CDKL4: variants seen among roughly 807,000 people sequenced by gnomAD.
CDKL4 encodes cyclin-dependent kinase-like 4.
Under a neutral mutation model 42.0 loss-of-function variants are expected in CDKL4, and 44 were observed. The ratio of observed to expected loss-of-function variants is 1.05; its 90% confidence interval spans 0.82 to 1.35. The LOEUF (loss-of-function observed/expected upper bound fraction) is 1.35. CDKL4 is among the 40% of genes most tolerant of loss of function. The probability of loss-of-function intolerance (pLI) is 0.00; values close to 1 mark genes in which losing one functional copy is unlikely to be tolerated. For missense variants in CDKL4, 393 were observed against 369.9 expected (o/e 1.06, Z -0.51); for synonymous variants, 120 against 121.6 (o/e 0.99, Z 0.09).
chr2:39,180,652 T>C (rs1485582387), intron 8 of CDKL4, among the ~76,000 whole-genome samples: 2 of 151,584 alleles, frequency 1.3e-5, no homozygotes, highest in African/African-American at 4.9e-5. Context: ...CCTCAAATCC[T>C]AGTACTGTTA....
downstream of CDKL4, among the ~76,000 whole-genome samples, chr2:39,172,333 G>A (rs982204850): frequency 6.6e-6 from 1 of 150,408 alleles, no homozygotes; most frequent in East Asian, 1.9e-4. Flanking sequence ...AAAAAAAAAA[G>A]AAAAAGAAAA....
In CDKL4 at chr2:39,184,722, A is replaced by ATGTGTG. The variant is rs141702509; in HGVS notation, c.736-81_736-76dup. The ATGTGTG allele has an allele frequency of 1.2e-4, 89 of 761,014 alleles. No individual in the cohort carries two copies. The Middle Eastern group carries it at 1.7e-3, about 15-fold the overall frequency. 47.1% of individuals were successfully genotyped at this position (761,014 alleles called of 1,614,324 possible). On this transcript the variant is annotated intron_variant, in intron 7 of 9. Transcript: ENST00000451199. ...TGTGTGTGTATATATGTGCGTATGT[A>ATGTGTG]TGTGTGTGTGTGTGTGTGTGTGTGT...
intron 5 of CDKL4, among the ~76,000 whole-genome samples, chr2:39,203,971 T>C (rs1036987102): frequency 4.6e-5 from 7 of 152,206 alleles, no homozygotes; most frequent in African/African-American, 1.4e-4. Flanking sequence ...TGCTAATACA[T>C]ATATTTGTCT....
chr2:39,225,753 T>C, intron 3 of CDKL4, 86 bp downstream of exon 3: 1 of 1,346,836 alleles, frequency 7.4e-7, no homozygotes, highest in Non-Finnish European at 1.0e-6. Context: ...GAATTGTGGC[T>C]GGGATTTGAA....
intron 4 of CDKL4, among the ~76,000 whole-genome samples, chr2:39,204,820 GTTT>G (rs1446296681): frequency 2.7e-5 from 4 of 149,616 alleles, no homozygotes; most frequent in Non-Finnish European, 5.9e-5. Flanking sequence ...TTAAAATATT[GTTT>G]TATTATTGAA....
At chr2:39,168,611 T>C in the CDKL4 span, among the ~76,000 whole-genome samples, 4 of 151,618 alleles carry the variant, frequency 2.6e-5, no homozygotes, top group African/African-American at 7.3e-5. Flanking sequence ...GGCTCATATC[T>C]GTAATCTCAG....
At chr2:39,195,644 T>A (rs1045278018) in intron 5 of CDKL4, among the ~76,000 whole-genome samples, 27 of 147,260 alleles carry the variant, frequency 1.8e-4, no homozygotes, top group East Asian at 1.9e-4. Context: ...TTAATTAATT[T>A]TTTTTTTTTT....
intron 1 of CDKL4, among the ~76,000 whole-genome samples, chr2:39,239,033 T>G (rs1483466141): frequency 6.6e-6 from 1 of 152,106 alleles, no homozygotes; most frequent in Non-Finnish European, 1.5e-5. Context: ...ATTACAAGAG[T>G]GAGCCACTGC....
At chr2:39,212,960 C>G (rs1677679052) in intron 4 of CDKL4, among the ~76,000 whole-genome samples, 1 of 152,046 alleles carries the variant, frequency 6.6e-6, no homozygotes, top group African/African-American at 2.4e-5. Context: ...CCATACCGGC[C>G]CTGAAAAATT....
intron 5 of CDKL4, among the ~76,000 whole-genome samples, chr2:39,200,097 T>G (rs557950435): frequency 1.6e-4 from 24 of 152,166 alleles, no homozygotes; most frequent in Middle Eastern, 3.4e-3. Context: ...CCCTAAAGAC[T>G]CCTTCAAAAA....
At chr2:39,238,944 G>A (rs1679507739) in intron 1 of CDKL4, among the ~76,000 whole-genome samples, 1 of 152,102 alleles carries the variant, frequency 6.6e-6, no homozygotes, top group East Asian at 1.9e-4. Context: ...TAAAGATGGG[G>A]TTTCACCATG....
intron 8 of CDKL4, among the ~76,000 whole-genome samples, chr2:39,184,273 C>T (rs148887998): frequency 9.0e-4 from 137 of 152,300 alleles, no homozygotes; most frequent in African/African-American, 3.2e-3. Context: ...GCAGACTAGG[C>T]ATAGGTAAGT....
chr2:39,179,007 A>G, intron 9 of CDKL4, 180 bp downstream of exon 9: 2 of 1,451,378 alleles, frequency 1.4e-6, no homozygotes, highest in Non-Finnish European at 1.8e-6. Context: ...TAATCTTGAT[A>G]TTTTCATAGT....
intron 3 of CDKL4, among the ~76,000 whole-genome samples, chr2:39,218,426 G>C (rs1678076833): frequency 6.6e-6 from 1 of 152,276 alleles, no homozygotes; most frequent in South Asian, 2.1e-4. Flanking sequence ...TTGAGTTTGG[G>C]AGTTTGAGGC....
At chr2:39,185,804 G>C (rs1212499047) in intron 7 of CDKL4, among the ~76,000 whole-genome samples, 1 of 152,002 alleles carries the variant, frequency 6.6e-6, no homozygotes, top group African/African-American at 2.4e-5. Flanking sequence ...ATTGTACACT[G>C]TATGTAAAGA....
chr2:39,183,282 G>C (rs1454266808), intron 8 of CDKL4, among the ~76,000 whole-genome samples: 1 of 133,584 alleles, frequency 7.5e-6, no homozygotes, highest in African/African-American at 2.5e-5. Context: ...AAAAAAAAAT[G>C]TCTCAATTGC....
intron 1 of CDKL4, among the ~76,000 whole-genome samples, chr2:39,230,483 C>A (rs987177703): frequency 1.2e-4 from 18 of 152,296 alleles, no homozygotes; most frequent in Admixed American, 5.9e-4. Context: ...CTTATGAATT[C>A]TTTCACATCT....
chr2:39,210,132 A>G (rs1677503769), intron 4 of CDKL4, among the ~76,000 whole-genome samples: 1 of 152,100 alleles, frequency 6.6e-6, no homozygotes, highest in South Asian at 2.1e-4. Flanking sequence ...CTGGGATTAC[A>G]GGCATGCATT....
chr2:39,245,540 C>A (rs893479003), upstream of CDKL4, among the ~76,000 whole-genome samples: 2 of 152,218 alleles, frequency 1.3e-5, no homozygotes, highest in Admixed American at 1.3e-4. Context: ...GTGGGTATAA[C>A]CTCGGGGCCG....
Sources: allele counts gnomAD v4.1 joint callset (sites outside exome capture counted in the v4.1 genomes callset), GRCh38; gene constraint gnomAD v4.1.1; transcripts MANE v1.5; gene names NCBI Gene and HGNC (gene_info 2026-07-23, HGNC 2026-07-21).